The following KCNJ16 variants were observed in gnomAD, a reference collection of about 807,000 sequenced individuals.
KCNJ16 encodes the protein potassium inwardly rectifying channel subfamily J member 16.
KCNJ16 carries 15 observed loss-of-function variants against 18.5 expected under a neutral mutation model. The observed-to-expected ratio is 0.81, with a 90% CI of 0.54 to 1.25. The LOEUF is 1.25. KCNJ16 is among the 50% of genes most tolerant of loss of function. KCNJ16 has a pLI of 0.00. For synonymous variants in KCNJ16, 174 were observed against 186.5 expected (o/e 0.93, Z 0.55); for missense variants, 523 against 525.7 (o/e 0.99, Z 0.05).
At chr17:70,097,249 C>T (rs11077475) in intron 1 of KCNJ16, among the ~76,000 whole-genome samples, 145,877 of 152,174 alleles carry the variant, frequency 0.96, 69,963 homozygotes, top group East Asian at 1. Context: ...CATGCGCCCC[C>T]GTCTCCCCAC....
intron 2 of KCNJ16, among the ~76,000 whole-genome samples, chr17:70,123,788 A>G (rs542109896): frequency 6.6e-6 from 1 of 152,274 alleles, no homozygotes; most frequent in Non-Finnish European, 1.5e-5. Context: ...CTGTTAGACC[A>G]CATTCTGGAG....
intron 3 of KCNJ16, chr17:70,131,207 AAAG>A (rs1455918700): frequency 1.1e-4 from 83 of 737,044 alleles, no homozygotes; most frequent in Admixed American, 1.4e-4. Context: ...AAAAAAAAAA[AAAG>A]AAAGAAAGAA....
At chr17:70,107,027 A>G (rs2072964399) in intron 2 of KCNJ16, among the ~76,000 whole-genome samples, 1 of 152,188 alleles carries the variant, frequency 6.6e-6, no homozygotes, top group Non-Finnish European at 1.5e-5. Flanking sequence ...AAATCAGCCA[A>G]AGCAGAAGTT....
At chr17:70,127,548 C>T (rs1340905868) in intron 2 of KCNJ16, among the ~76,000 whole-genome samples, 1 of 152,022 alleles carries the variant, frequency 6.6e-6, no homozygotes, top group Admixed American at 6.6e-5. Flanking sequence ...CCTCAGCACC[C>T]AAAGCCCACC....
chr17:70,132,229 A>C lies in KCNJ16; in HGVS notation c.142A>C (p.Lys48Gln). 11 of 1,614,254 alleles carry C rather than the reference A, an allele frequency of 6.8e-6. No homozygotes were observed. Among genetic ancestry groups the C allele is most frequent in the Non-Finnish European group, 9.3e-6 (11 of 1,180,048 alleles). Residue 48 changes from lysine to glutamine, a missense_variant, in exon 4 of 4, where the codon AAG becomes CAG. Coordinates refer to ENST00000392671, the MANE Select transcript of KCNJ16 (RefSeq NM_170741.4). ...AGATGGCAGCTGTAATGTCTACTTC[A>C]AGCACATTTTTGGAGAATGGGGAAG... The part of the protein sequence containing the change: ...HKDGSCNVYF[K>Q]HIFGEWGSYV...
rs147208284 is a variant in KCNJ16 at position 70,110,900 on chromosome 17, T to C, written c.-191+10134T>C. On this transcript the variant is annotated intron_variant, in intron 2 of 3. Coordinates refer to ENST00000392671, the MANE Select transcript of KCNJ16 (RefSeq NM_170741.4). ...TGCCGATGTTTTAGATTCTTAATGG[T>C]TTGGTCTGGTGGAGGTCTGCTACAG... Among the ~76,000 whole-genome samples, 411 of 152,236 alleles carry C rather than the reference T, an allele frequency of 2.7e-3. 2 individuals carry two copies. The highest frequency in any genetic ancestry group is 9.2e-3 in the African/African-American group (381 of 41,554).
chr17:70,110,413 C>T (rs1457821999), intron 2 of KCNJ16, among the ~76,000 whole-genome samples: 2 of 151,956 alleles, frequency 1.3e-5, no homozygotes, highest in African/African-American at 2.4e-5. Context: ...CTAGAGCCTA[C>T]GAGGAGACTG....
At chr17:70,116,658 A>G (rs2073419647) in intron 2 of KCNJ16, among the ~76,000 whole-genome samples, 1 of 152,202 alleles carries the variant, frequency 6.6e-6, no homozygotes, top group South Asian at 2.1e-4. Flanking sequence ...ACAAACAGAC[A>G]CTTTTCAAAA....
chr17:70,110,493 C>CACACAT (rs1275953109), intron 2 of KCNJ16, among the ~76,000 whole-genome samples: 1 of 152,078 alleles, frequency 6.6e-6, no homozygotes, highest in African/African-American at 2.4e-5. Context: ...CACACACACA[C>CACACAT]ACACACACAA....
chr17:70,133,435 T>C lies in KCNJ16; in HGVS notation c.*91T>C, dbSNP rs2074137285. The C allele has an allele frequency of 1.9e-6, 2 of 1,056,644 alleles. No homozygotes were observed. Among genetic ancestry groups the C allele is most frequent in the Non-Finnish European group, 2.8e-6 (2 of 721,034 alleles). 65.5% of individuals were successfully genotyped at this position (1,056,644 alleles called of 1,614,324 possible). ...AAACGTGGCTTTTTTGAAAGTGTTA[T>C]GGCTATGTTTTATGATGATGCTGGG... On this transcript the variant is annotated 3_prime_UTR_variant, in exon 4 of 4. Transcript: ENST00000392671.
At chr17:70,131,085 G>A in intron 3 of KCNJ16, 110 bp downstream of exon 3, 1 of 1,174,322 alleles carries the variant, frequency 8.5e-7, no homozygotes, top group Non-Finnish European at 1.2e-6. Context: ...TGAAAAGCCG[G>A]AGAGAAGGGT....
At chr17:70,110,480 G>GCACACA (rs1337834954) in intron 2 of KCNJ16, among the ~76,000 whole-genome samples, 2,100 of 151,104 alleles carry the variant, frequency 0.014, 54 homozygotes, top group African/African-American at 0.048. Context: ...CACTTCGTGC[G>GCACACA]CGCACACACA....
At position 70,132,369 on chromosome 17, in the gene KCNJ16, C is replaced by T; in HGVS notation, c.282C>T (p.Leu94=). Residue 94 remains leucine, a synonymous_variant, in exon 4 of 4, where the codon CTC becomes CTT. Transcript: ENST00000392671. ...SWLIFGSVFW[L]IAFHHGDLLN... ...TGATATTTGGCTCTGTCTTTTGGCT[C>T]ATAGCCTTTCATCATGGCGATCTAT... The T allele has an allele frequency of 6.2e-7, 1 of 1,614,160 alleles. No individual in the cohort carries two copies. The highest frequency in any genetic ancestry group is 1.1e-5 in the South Asian group (1 of 91,076).
intron 2 of KCNJ16, among the ~76,000 whole-genome samples, chr17:70,112,482 C>T (rs79595220): frequency 0.039 from 5,954 of 150,908 alleles, 388 homozygotes; most frequent in African/African-American, 0.14. Context: ...TATTTCTTTC[C>T]CTTGTCTTGA....
intron 2 of KCNJ16, among the ~76,000 whole-genome samples, chr17:70,112,063 G>A (rs150936463): frequency 8.9e-4 from 136 of 152,306 alleles, no homozygotes; most frequent in Non-Finnish European, 1.5e-3. Flanking sequence ...AGGAGAGGAA[G>A]TGGAGACCCC....
In KCNJ16 at chr17:70,086,245, ATTAG is replaced by A. The variant is rs1420962501; in HGVS notation, c.-300+10859_-300+10862del. Among the ~76,000 whole-genome samples, 3 of 152,228 alleles carry A rather than the reference ATTAG, an allele frequency of 2.0e-5. No individual in the cohort carries two copies. The East Asian group carries it at 5.8e-4, about 29-fold the overall frequency. ...ATCTTAACTTTTATTTTTTATTACA[ATTAG>A]TTAATGAAGAGTAACAATGATCTGA... is the stretch of plus-strand genomic sequence containing the variant. On this transcript the variant is annotated intron_variant, in intron 1 of 3. Coordinates refer to ENST00000392671, the MANE Select transcript of KCNJ16 (RefSeq NM_170741.4).
chr17:70,119,284 G>A (rs1016933497), intron 2 of KCNJ16, among the ~76,000 whole-genome samples: 2 of 152,212 alleles, frequency 1.3e-5, no homozygotes, highest in African/African-American at 4.8e-5. Flanking sequence ...CATGTGCAAG[G>A]TAGAAGTTGC....
chr17:70,093,826 T>C (rs2072232819), intron 1 of KCNJ16, among the ~76,000 whole-genome samples: 2 of 152,146 alleles, frequency 1.3e-5, no homozygotes. Flanking sequence ...TCTTTCATTC[T>C]TTTCAAGAGG....
At chr17:70,108,814 C>T (rs1038820802) in intron 2 of KCNJ16, among the ~76,000 whole-genome samples, 4 of 152,084 alleles carry the variant, frequency 2.6e-5, no homozygotes, top group Admixed American at 6.6e-5. Flanking sequence ...TCTCCTTGCC[C>T]GTTTTTGCTA....
Sources: gnomAD v4.1 joint callset for allele counts (sites outside exome capture counted in the v4.1 genomes callset) on GRCh38, gnomAD v4.1.1 for gene constraint, MANE v1.5 for transcripts, NCBI Gene and HGNC (gene_info 2026-07-23, HGNC 2026-07-21) for gene names.